The following SLC13A1 variants were observed in gnomAD, a reference collection of about 807,000 sequenced individuals.
SLC13A1 encodes Na(+)/sulfate cotransporter.
In SLC13A1, 65 loss-of-function variants were observed where a neutral mutation model predicts 70.0. The observed-to-expected ratio is 0.93, with a 90% CI of 0.76 to 1.14. The LOEUF (loss-of-function observed/expected upper bound fraction) is 1.14. Ranked by LOEUF, SLC13A1 falls within the 50% of genes most tolerant of loss-of-function variation. SLC13A1 has a pLI of 0.00. For missense variants in SLC13A1, 726 were observed against 717.8 expected (o/e 1.01, Z -0.13); for synonymous variants, 275 against 250.5 (o/e 1.10, Z -0.92).
At chr7:123,146,265 C>G (rs2116410081) in intron 7 of SLC13A1, among the ~76,000 whole-genome samples, 1 of 152,280 alleles carries the variant, frequency 6.6e-6, no homozygotes, top group Middle Eastern at 3.4e-3. Flanking sequence ...GGGCTCATGC[C>G]TATAATCCTA....
At chr7:123,115,756 A>C (rs1026116956) in intron 14 of SLC13A1, 101 bp from the exon 15 acceptor site, 2 of 1,158,366 alleles carry the variant, frequency 1.7e-6, no homozygotes, top group African/African-American at 3.1e-5. Context: ...CATGCATCCT[A>C]AATGATTAGT....
rs777702216 is a variant in SLC13A1, at chr7:123,181,041, G to A, written c.160C>T (p.Pro54Ser). The change falls in exon 2 of 15, where the codon CCT becomes TCT. Residue 54 changes from proline to serine, a missense_variant. Physicochemically the swap from Pro to Ser is moderately conservative, Grantham distance 74 (BLOSUM62 -1). Transcript: ENST00000194130. ...VATFWLTEAL[P>S]LSVTALLPSL... ...GGTAGCAAAGCTGTTACCGACAGAG[G>A]CAATGCTTCTGTGAGCCAAAATGTG... 82 of 1,612,698 alleles carry A rather than the reference G, an allele frequency of 5.1e-5. 1 individual carries two copies. In the South Asian group the frequency reaches 8.2e-4, roughly 16 times the overall value.
At chr7:123,183,161 C>T (rs1416946735) in intron 1 of SLC13A1, among the ~76,000 whole-genome samples, 7 of 152,086 alleles carry the variant, frequency 4.6e-5, no homozygotes, top group Admixed American at 6.6e-5. Context: ...ACCCTTTGAC[C>T]GTGTTTGATC....
intron 11 of SLC13A1, among the ~76,000 whole-genome samples, chr7:123,124,652 G>A (rs892397799): frequency 5.3e-5 from 8 of 152,032 alleles, no homozygotes; most frequent in Non-Finnish European, 1.2e-4. Flanking sequence ...GTAAAGCAAA[G>A]ATATGGATGA....
chr7:123,184,463 A>G (rs116569108), intron 1 of SLC13A1, among the ~76,000 whole-genome samples: 1,949 of 152,186 alleles, frequency 0.013, 34 homozygotes, highest in African/African-American at 0.044. Context: ...CTCCACTTCT[A>G]TGAGATCAAC....
At chr7:123,121,244 C>A (rs917003970) in intron 12 of SLC13A1, among the ~76,000 whole-genome samples, 3 of 152,008 alleles carry the variant, frequency 2.0e-5, no homozygotes, top group Admixed American at 1.3e-4. Flanking sequence ...TCTTTATACA[C>A]TTTTTAAACC....
At chr7:123,186,569 GT>G (rs1795809075) in intron 1 of SLC13A1, 1 of 289,756 alleles carries the variant, frequency 3.5e-6, no homozygotes, top group Non-Finnish European at 7.1e-6. Context: ...ACCACAAATT[GT>G]TTACCACCAT....
At chr7:123,170,127 G>C (rs1252649537) in intron 3 of SLC13A1, among the ~76,000 whole-genome samples, 1 of 152,110 alleles carries the variant, frequency 6.6e-6, no homozygotes, top group South Asian at 2.1e-4. Context: ...TCTCTTTTGA[G>C]TAGGCGGGCC....
At chr7:123,140,954 T>A (rs930629793) in intron 7 of SLC13A1, among the ~76,000 whole-genome samples, 1 of 152,098 alleles carries the variant, frequency 6.6e-6, no homozygotes, top group Non-Finnish European at 1.5e-5. Context: ...CTACTAACTT[T>A]GGGTTTGGTT....
chr7:123,168,739 T>C (rs951277910), intron 4 of SLC13A1, among the ~76,000 whole-genome samples, 178 bp from the exon 5 acceptor site: 1 of 152,214 alleles, frequency 6.6e-6, no homozygotes, highest in African/African-American at 2.4e-5. Flanking sequence ...ACTTTTTCAC[T>C]GCATCAGAGC....
At chr7:123,171,639 G>GA (rs993860950) in intron 3 of SLC13A1, 129 bp downstream of exon 3, 16 of 973,518 alleles carry the variant, frequency 1.6e-5, no homozygotes, top group Non-Finnish European at 2.5e-5. Context: ...ATTTGCAGAG[G>GA]AAAAAACGTC....
intron 9 of SLC13A1, 87 bp from the exon 10 acceptor site, chr7:123,129,033 G>T (rs1166239830): frequency 6.9e-6 from 6 of 871,636 alleles, no homozygotes; most frequent in South Asian, 2.8e-5. Flanking sequence ...AGGAATGATC[G>T]CAGTAGAACA....
chr7:123,140,892 G>T (rs1036437279), intron 7 of SLC13A1, among the ~76,000 whole-genome samples: 1 of 151,532 alleles, frequency 6.6e-6, no homozygotes, highest in African/African-American at 2.4e-5. Context: ...TGATTTTTTT[G>T]GTATTGTTTT....
intron 6 of SLC13A1, among the ~76,000 whole-genome samples, chr7:123,153,751 A>G (rs1794631990): frequency 6.6e-6 from 1 of 152,124 alleles, no homozygotes; most frequent in Non-Finnish European, 1.5e-5. Context: ...CAGGTATATT[A>G]TGAATGGAAA....
intron 1 of SLC13A1, among the ~76,000 whole-genome samples, chr7:123,181,982 G>C (rs1795656561): frequency 6.6e-6 from 1 of 152,052 alleles, no homozygotes; most frequent in Admixed American, 6.6e-5. Context: ...ACTGCCTCAG[G>C]GTGAGTCCTT....
chr7:123,177,638 G>T (rs1274238332), intron 2 of SLC13A1, among the ~76,000 whole-genome samples: 1 of 151,962 alleles, frequency 6.6e-6, no homozygotes, highest in Admixed American at 6.6e-5. Context: ...TTTGCACTGG[G>T]TGTTACCTCT....
chr7:123,177,967 T>C (rs1288125669), intron 2 of SLC13A1, among the ~76,000 whole-genome samples: 1 of 152,032 alleles, frequency 6.6e-6, no homozygotes, highest in Non-Finnish European at 1.5e-5. Context: ...CATATGAATA[T>C]CTGTTGAATA....
chr7:123,121,137 A>G (rs11772595), intron 12 of SLC13A1, among the ~76,000 whole-genome samples: 28,505 of 151,946 alleles, frequency 0.19, 3,437 homozygotes, highest in Admixed American at 0.28. Context: ...CCAGTGTCTC[A>G]TTGGCTCAAT....
rs778033395 is a variant in SLC13A1, at chr7:123,190,010, T to C, written c.100-8909A>G. ...GTCTTTCATTTTCGGTAATGTCTTT[T>C]ATACATATGTTGGGGCTCTGAATTC... On this transcript the variant is annotated intron_variant, in intron 1 of 14. Transcript: ENST00000194130. 9.1e-4 allele frequency among the ~76,000 whole-genome samples: 138 copies of C among 152,324 alleles called. 1 individual carries two copies. The highest frequency in any genetic ancestry group is 2.7e-3 in the Admixed American group (42 of 15,298).
Sources: allele counts gnomAD v4.1 joint callset (sites outside exome capture counted in the v4.1 genomes callset), GRCh38; gene constraint gnomAD v4.1.1; transcripts MANE v1.5; gene names NCBI Gene and HGNC (gene_info 2026-07-23, HGNC 2026-07-21).